Variants in FHIP2B observed in about 807,000 individuals in gnomAD.
FHIP2B encodes the protein FHF complex subunit HOOK-interacting protein 2B.
FHIP2B carries 72 observed loss-of-function variants against 84.0 expected under a neutral mutation model. The ratio of observed to expected loss-of-function variants is 0.86; its 90% CI spans 0.71 to 1.04. The LOEUF (loss-of-function observed/expected upper bound fraction) is 1.04. Ranked by LOEUF, FHIP2B falls within the 50% of genes least tolerant of loss-of-function variation. The probability of loss-of-function intolerance (pLI) is 0.00; values close to 1 mark genes in which losing one functional copy is unlikely to be tolerated. For missense variants in FHIP2B, 972 were observed against 968.9 expected, an observed-to-expected ratio of 1.00 and a Z score of -0.04; for synonymous variants, 497 against 418.7, an observed-to-expected ratio of 1.19 and a Z score of -2.28.
Position 22,098,052 on chromosome 8 carries a change from C to G in FHIP2B, c.526-16C>G. The G allele has an allele frequency of 6.3e-7, 1 of 1,583,574 alleles. No individual in the cohort carries two copies. Among genetic ancestry groups the G allele is most frequent in the South Asian group, 1.2e-5 (1 of 86,534 alleles). On this transcript the variant is annotated splice_polypyrimidine_tract_variant and intron_variant, in intron 5 of 16. Coordinates refer to ENST00000289921, the MANE Select transcript of FHIP2B (RefSeq NM_022749.7). ...TGGTCCCCACCAGGTCTGGCCTCATCTCACCCTCTTTTCAGGGTAAAAAGA... is the reference window on the plus strand; with the variant it reads ...TGGTCCCCACCAGGTCTGGCCTCATGTCACCCTCTTTTCAGGGTAAAAAGA...
In FHIP2B at chr8:22,097,976, G is replaced by A. The variant is rs1405814555; in HGVS notation, c.526-92G>A. 6.5e-6 allele frequency: 10 copies of A among 1,529,366 alleles called. No homozygotes were observed. In the African/African-American group the frequency reaches 8.2e-5, roughly 13 times the overall value. 94.7% of individuals were successfully genotyped at this position (1,529,366 alleles called of 1,614,324 possible). On this transcript the variant is annotated intron_variant, in intron 5 of 16. Coordinates refer to ENST00000289921, the MANE Select transcript of FHIP2B (RefSeq NM_022749.7). ...GCAGCTTCCCCTCCAGCTCCAGGCC[G>A]ACGCCCTGCTGGCAGCCCACCCTGC...
Position 22,097,942 on chromosome 8 carries a change from G to T in FHIP2B, c.525+103G>T, listed in dbSNP as rs550988593. 11 of 1,549,364 alleles carry T rather than the reference G, an allele frequency of 7.1e-6. No individual in the cohort carries two copies. The South Asian group carries it at 1.2e-4, about 17-fold the overall frequency. On this transcript the variant is annotated intron_variant, in intron 5 of 16. Coordinates refer to ENST00000289921, the MANE Select transcript of FHIP2B (RefSeq NM_022749.7). ...AGAAGCAGAGATCAGGTACCCGGGAGGCACGCAGGCAGCTTCCCCTCCAGC... is the reference window on the plus strand; with the variant it reads ...AGAAGCAGAGATCAGGTACCCGGGATGCACGCAGGCAGCTTCCCCTCCAGC...
chr8:22,091,240 CTTTTTTTTTT>C (rs71204535), intron 1 of FHIP2B, among the ~76,000 whole-genome samples: 2 of 117,710 alleles, frequency 1.7e-5, no homozygotes, highest in Non-Finnish European at 3.7e-5. Context: ...ATCATTACAG[CTTTTTTTTTT>C]TTTTTTTTTT....
intron 14 of FHIP2B, 62 bp from the exon 15 acceptor site, chr8:22,102,113 G>A (rs1826152769): frequency 6.2e-7 from 1 of 1,611,540 alleles, no homozygotes; most frequent in Non-Finnish European, 8.5e-7. Context: ...ACCTTGCTGG[G>A]GGAGTGCAAA....
chr8:22,090,819 T>G (rs975920226), intron 1 of FHIP2B, among the ~76,000 whole-genome samples: 12 of 152,134 alleles, frequency 7.9e-5, no homozygotes, highest in East Asian at 3.9e-4. Context: ...GAGACAGGGT[T>G]TCAACATGTT....
intron 5 of FHIP2B, 48 bp from the exon 6 acceptor site, chr8:22,098,020 T>C (rs1349396601): frequency 4.5e-6 from 7 of 1,542,670 alleles, no homozygotes. Context: ...TGGGGGACCC[T>C]GGGAAGTGGT....
At chr8:22,102,652 A>C (rs773132651) in intron 16 of FHIP2B, 24 bp downstream of exon 16, 1 of 1,564,292 alleles carries the variant, frequency 6.4e-7, no homozygotes. Context: ...GTGCCAGGTG[A>C]AGCCTTGGGG....
chr8:22,101,664 C>T (rs1826122460), intron 13 of FHIP2B, 44 bp from the exon 14 acceptor site: 2 of 1,574,188 alleles, frequency 1.3e-6, no homozygotes, highest in African/African-American at 2.7e-5. Context: ...TCTGCTGGTT[C>T]CCAGTCCCCA....
chr8:22,101,175 A>T, intron 12 of FHIP2B: 1 of 680,212 alleles, frequency 1.5e-6, no homozygotes, highest in Non-Finnish European at 2.4e-6. Flanking sequence ...GACATGCACC[A>T]CCACACCCAG....
chr8:22,096,623 T>A, intron 3 of FHIP2B, 114 bp downstream of exon 3: 1 of 1,375,192 alleles, frequency 7.3e-7, no homozygotes, highest in Non-Finnish European at 9.5e-7. Context: ...GGAGACCCTC[T>A]GAGTGCTGGG....
chr8:22,099,719 C>A lies in FHIP2B; in HGVS notation c.1167C>A (p.Ile389=). The A allele has an allele frequency of 1.3e-6, 2 of 1,592,052 alleles. No homozygotes were observed. Among genetic ancestry groups the A allele is most frequent in the Non-Finnish European group, 1.7e-6 (2 of 1,173,142 alleles). The change falls in exon 10 of 17, where the codon ATC becomes ATA. Residue 389 remains isoleucine, a synonymous_variant. Transcript: ENST00000289921. ...CTTCCCGTAGGTCCGAGCAGAGCATCTTGACCTCCACCGCCCTCCTCACAG... is the reference window on the plus strand; with the variant it reads ...CTTCCCGTAGGTCCGAGCAGAGCATATTGACCTCCACCGCCCTCCTCACAG... The part of the protein sequence containing the change: ...PQLLHVSEQS[I]LTSTALLTAM...
At position 22,102,846 on chromosome 8, in the gene FHIP2B, A is replaced by C. The variant is rs752606716; in HGVS notation, c.2147A>C (p.Lys716Thr). 1.2e-6 allele frequency: 2 copies of C among 1,613,680 alleles called. No individual in the cohort carries two copies. Among genetic ancestry groups the C allele is most frequent in the Non-Finnish European group, 1.7e-6 (2 of 1,179,828 alleles). The change falls in exon 17 of 17, where the codon AAG (lysine) becomes ACG (threonine). Residue 716 changes from lysine (K) to threonine (T), a missense_variant. By Grantham distance (78) the Lys-to-Thr change is moderately conservative. Transcript: ENST00000289921. ...GTGGTGGTGCTGGAGGAGTTCTGCA[A>C]GGAGCTGGCTGCCATTGCCTTCGTC... ...QGVVVLEEFC[K>T]ELAAIAFVKF... is the part of the protein sequence containing the mutation.
intron 4 of FHIP2B, 30 bp downstream of exon 4, chr8:22,097,650 G>T: frequency 2.5e-6 from 4 of 1,604,070 alleles, no homozygotes; most frequent in East Asian, 2.3e-5. Flanking sequence ...AGGGGTGTCT[G>T]GGTGTGAGGC....
intron 11 of FHIP2B, 50 bp from the exon 12 acceptor site, chr8:22,100,794 C>T (rs765723138): frequency 1.2e-6 from 2 of 1,612,716 alleles, no homozygotes; most frequent in East Asian, 2.2e-5. Context: ...CTCGCACGCT[C>T]ACTCTGTCCA....
In FHIP2B at chr8:22,103,000, G is replaced by A. The variant is rs1359227759; in HGVS notation, c.*69G>A. On this transcript the variant is annotated 3_prime_UTR_variant, in exon 17 of 17. Coordinates refer to ENST00000289921, the MANE Select transcript of FHIP2B (RefSeq NM_022749.7). ...CCAGAGCTGCCTCCTGCCTGGCACT[G>A]CCGCCACACTCCCCTCCTGGGATGG... The A allele has an allele frequency of 1.3e-6, 2 of 1,537,162 alleles. No individual in the cohort carries two copies. Among genetic ancestry groups the A allele is most frequent in the Admixed American group, 3.8e-5 (2 of 52,324 alleles).
At chr8:22,100,482 A>G (rs570613865) in intron 10 of FHIP2B, 112 bp from the exon 11 acceptor site, 15 of 1,236,294 alleles carry the variant, frequency 1.2e-5, no homozygotes, top group Non-Finnish European at 1.6e-5. Context: ...CATCCAGCCA[A>G]GGGAGGTGAC....
In FHIP2B at chr8:22,089,199, G is replaced by C. The variant is rs1479622355; in HGVS notation, c.-55G>C. The C allele has an allele frequency of 1.1e-5, 11 of 1,041,810 alleles. No individual in the cohort carries two copies. The Admixed American group carries it at 1.7e-4, about 16-fold the overall frequency. 64.5% of individuals were successfully genotyped at this position (1,041,810 alleles called of 1,614,324 possible). A position where few individuals can be genotyped will look rare whatever the true frequency, so the allele number is the denominator to read the frequency against. On this transcript the variant is annotated 5_prime_UTR_variant, in exon 1 of 17. Transcript: ENST00000289921. ...CCGGGGCCACGGGGCTGCCTCCTCC[G>C]CCTAGAGCGCTGCCGCCGCCGCTTT... is the stretch of plus-strand genomic sequence containing the variant.
intron 1 of FHIP2B, among the ~76,000 whole-genome samples, chr8:22,092,134 A>G (rs1442080312): frequency 6.6e-6 from 1 of 152,240 alleles, no homozygotes; most frequent in Non-Finnish European, 1.5e-5. Flanking sequence ...TTGCAAGAAG[A>G]CAAGATGCCC....
At chr8:22,096,160 T>G (rs1352038478) in intron 2 of FHIP2B, 177 bp from the exon 3 acceptor site, 1 of 606,982 alleles carries the variant, frequency 1.6e-6, no homozygotes, top group Non-Finnish European at 2.8e-6. Flanking sequence ...GACTTTTGTC[T>G]TCTTAAATAT....
Sources: gnomAD v4.1 joint callset for allele counts (sites outside exome capture counted in the v4.1 genomes callset) on GRCh38, gnomAD v4.1.1 for gene constraint, MANE v1.5 for transcripts, NCBI Gene and HGNC (gene_info 2026-07-23, HGNC 2026-07-21) for gene names.